XPC: variants seen among roughly 807,000 people sequenced by gnomAD.
XPC encodes XPC complex subunit, DNA damage recognition and repair factor.
XPC carries 76 observed loss-of-function variants against 95.8 expected under a neutral mutation model. The ratio of observed to expected loss-of-function variants is 0.79; its 90% CI spans 0.66 to 0.96. The LOEUF is 0.96. Among genes scored for constraint, XPC ranks in the 40% least tolerant of loss-of-function variants. The probability of loss-of-function intolerance (pLI) is 0.00; values close to 1 mark genes in which losing one functional copy is unlikely to be tolerated. For synonymous variants in XPC, 442 were observed against 442.1 expected, an observed-to-expected ratio of 1.00 and a Z score of 0.00; for missense variants, 1,146 against 1,179.8, an observed-to-expected ratio of 0.97 and a Z score of 0.42.
At chr3:14,161,507 T>G (rs1189746557) in intron 7 of XPC, among the ~76,000 whole-genome samples, 1 of 148,548 alleles carries the variant, frequency 6.7e-6, no homozygotes, top group African/African-American at 2.6e-5. Context: ...GCAAGGATGG[T>G]TCAACATAAG....
intron 2 of XPC, 170 bp from the exon 3 acceptor site, chr3:14,170,720 A>G: frequency 2.0e-6 from 1 of 505,596 alleles, no homozygotes; most frequent in Non-Finnish European, 3.5e-6. Flanking sequence ...ATGTGTTCCA[A>G]ATCTCATCAA....
Position 14,159,737 on chromosome 3 carries a change from T to TGG in XPC, c.990+3_990+4insCC. On this transcript the variant is annotated splice_donor_region_variant and intron_variant, in intron 8 of 15. Transcript: ENST00000285021. ...CTCTTCTCTGGCAGCCCTGCGCACC[T>TGG]CACCTTTGCTGTTGCTGACTTCAGA... The TGG allele has an allele frequency of 1.3e-6, 2 of 1,558,988 alleles. No homozygotes were observed. Among genetic ancestry groups the TGG allele is most frequent in the Non-Finnish European group, 1.7e-6 (2 of 1,150,966 alleles).
intron 4 of XPC, 146 bp downstream of exon 4, chr3:14,168,110 TA>T: frequency 8.8e-7 from 1 of 1,142,544 alleles, no homozygotes; most frequent in Non-Finnish European, 1.2e-6. Context: ...TTCAAGTCTC[TA>T]AAGGTAAATC....
Position 14,163,758 on chromosome 3 carries a change from TAAACAAATAAACA to T in XPC, c.900+1042_900+1054del, listed in dbSNP as rs374629455. 7.5e-3 allele frequency among the ~76,000 whole-genome samples: 1,136 copies of T among 152,286 alleles called. 18 individuals carry two copies. Among genetic ancestry groups the T allele is most frequent in the African/African-American group, 0.024 (981 of 41,548 alleles). On this transcript the variant is annotated intron_variant, in intron 7 of 15. Coordinates refer to ENST00000285021, the MANE Select transcript of XPC (RefSeq NM_004628.5). ...AAAAGCTGTGTGATCCTATTTTGCT[TAAACAAATAAACA>T]AAACAAATACATACGTACACACATA...
In XPC at chr3:14,164,584, A is replaced by G. The variant is rs888249095; in HGVS notation, c.900+229T>C. 8.7e-6 allele frequency: 4 copies of G among 461,714 alleles called. No homozygotes were observed. In the East Asian group the frequency reaches 1.7e-4, roughly 19 times the overall value. 28.6% of individuals were successfully genotyped at this position (461,714 alleles called of 1,614,324 possible). Reference sequence around the variant, plus strand: ...CTAGAGGCGATAGGGAGGAAAGCATACAGGCCCTCCACTCAGACTCTGATC... The same window carrying G: ...CTAGAGGCGATAGGGAGGAAAGCATGCAGGCCCTCCACTCAGACTCTGATC... On this transcript the variant is annotated intron_variant, in intron 7 of 15. Transcript: ENST00000285021.
intron 7 of XPC, among the ~76,000 whole-genome samples, chr3:14,161,788 A>G (rs2125031096): frequency 6.6e-6 from 1 of 151,826 alleles, no homozygotes; most frequent in East Asian, 1.9e-4. Flanking sequence ...ACCATTATTC[A>G]ACATTGTACT....
chr3:14,165,263 A>G (rs562166800), intron 6 of XPC, among the ~76,000 whole-genome samples, 165 bp downstream of exon 6: 1 of 152,318 alleles, frequency 6.6e-6, no homozygotes, highest in South Asian at 2.1e-4. Context: ...CAGCTCTACC[A>G]GGGCAAGATC....
In XPC at chr3:14,146,210, T is replaced by C. The variant is rs3731175; in HGVS notation, c.2605-51A>G. ...ACACAGGCGAGGGTTAGTAATCAGA[T>C]ACCAGGAAGCCCCATGAAGAGGCAG... On this transcript the variant is annotated intron_variant, in intron 15 of 15. Transcript: ENST00000285021. 0.26 allele frequency: 400,793 copies of C among 1,518,962 alleles called. 54,987 individuals carry two copies. The highest frequency in any genetic ancestry group is 0.34 in the African/African-American group (24,399 of 72,644). The allele number at this position is 1,518,962 out of a possible 1,614,324, so 94.1% of individuals were successfully genotyped here.
chr3:14,178,004 C>T (rs1696901877), intron 1 of XPC, among the ~76,000 whole-genome samples: 1 of 152,166 alleles, frequency 6.6e-6, no homozygotes, highest in Non-Finnish European at 1.5e-5. Flanking sequence ...TTCTGCATTG[C>T]CCATGACAAA....
chr3:14,150,917 T>C (rs565150913), intron 11 of XPC, among the ~76,000 whole-genome samples: 2 of 152,054 alleles, frequency 1.3e-5, no homozygotes, highest in African/African-American at 2.4e-5. Flanking sequence ...CTGTGCACCA[T>C]GGGGAGGGTG....
At chr3:14,160,738 G>A (rs1696136586) in intron 7 of XPC, among the ~76,000 whole-genome samples, 1 of 152,210 alleles carries the variant, frequency 6.6e-6, no homozygotes, top group South Asian at 2.1e-4. Flanking sequence ...TCCAAATAAT[G>A]TCTGTAGTTT....
Position 14,170,428 on chromosome 3 carries a change from G to C in XPC, c.412+10C>G, listed in dbSNP as rs1559382948. The C allele has an allele frequency of 6.2e-7, 1 of 1,611,522 alleles. No homozygotes were observed. Among genetic ancestry groups the C allele is most frequent in the Non-Finnish European group, 8.5e-7 (1 of 1,177,862 alleles). ...CCAAACAGTTCTGAAAACAAAGAAA[G>C]ATGTTTCACCTTCAACCTCTTCCCA... On this transcript the variant is annotated intron_variant, in intron 3 of 15. Transcript: ENST00000285021.
At chr3:14,168,089 A>C (rs1574972522) in intron 4 of XPC, among the ~76,000 whole-genome samples, 168 bp downstream of exon 4, 1 of 152,120 alleles carries the variant, frequency 6.6e-6, no homozygotes, top group Non-Finnish European at 1.5e-5. Context: ...CCAGGACACG[A>C]AGGTGTCTCA....
chr3:14,145,627 G>T lies in XPC; in HGVS notation c.*314C>A. 1 of 699,436 alleles carries T rather than the reference G, an allele frequency of 1.4e-6. No homozygotes were observed. Among genetic ancestry groups the T allele is most frequent in the East Asian group, 2.7e-5 (1 of 37,284 alleles). 43.3% of individuals were successfully genotyped at this position (699,436 alleles called of 1,614,324 possible). A position where few individuals can be genotyped will look rare whatever the true frequency, so the allele number is the denominator to read the frequency against. ...AAACTGATGTTTCTAAAGATGGAAA[G>T]AACAGGTCTAGGAGGCAGAAGAGTA... On this transcript the variant is annotated 3_prime_UTR_variant, in exon 16 of 16. Coordinates refer to ENST00000285021, the MANE Select transcript of XPC (RefSeq NM_004628.5).
At position 14,164,878 on chromosome 3, in the gene XPC, G is replaced by A; in HGVS notation, c.835C>T (p.Leu279=). The A allele has an allele frequency of 6.2e-7, 1 of 1,612,746 alleles. No homozygotes were observed. Among genetic ancestry groups the A allele is most frequent in the Non-Finnish European group, 8.5e-7 (1 of 1,179,356 alleles). Residue 279 remains leucine, a synonymous_variant, in exon 7 of 16, where the codon CTG becomes TTG. Transcript: ENST00000285021. ...AELSASEQDN[L]QTTLERRFAI... ...AATCTCCTTTCCAATGTAGTCTGCA[G>A]GTTATCTTGTTCACTGGCTGAAAGT...
Position 14,145,933 on chromosome 3 carries a change from C to G in XPC, c.*8G>C, listed in dbSNP as rs375609654. The G allele has an allele frequency of 3.1e-6, 5 of 1,599,012 alleles. No homozygotes were observed. The South Asian group carries it at 5.5e-5, about 18-fold the overall frequency. ...AACTGGTGGGTGCCCCTCTAGTGGGCGCTCAGCTCACAGCTGCTCAAATGG... is the reference window on the plus strand; with the variant it reads ...AACTGGTGGGTGCCCCTCTAGTGGGGGCTCAGCTCACAGCTGCTCAAATGG... On this transcript the variant is annotated 3_prime_UTR_variant, in exon 16 of 16. Transcript: ENST00000285021.
rs188593835 is a variant in XPC, at chr3:14,159,551, C to T, written c.990+190G>A. ...GGCCTCTCACAGGCCACTCTGCACACGTGAAGTTCAGGCTGCTAGATACCC... is the reference window on the plus strand; with the variant it reads ...GGCCTCTCACAGGCCACTCTGCACATGTGAAGTTCAGGCTGCTAGATACCC... On this transcript the variant is annotated intron_variant, in intron 8 of 15. Transcript: ENST00000285021. 5.4e-4 allele frequency among the ~76,000 whole-genome samples: 83 copies of T among 152,318 alleles called. 1 individual carries two copies. The South Asian group carries it at 9.5e-3, about 17-fold the overall frequency.
At chr3:14,164,973 G>A (rs1696316748) in intron 6 of XPC, 40 bp from the exon 7 acceptor site, 1 of 1,568,316 alleles carries the variant, frequency 6.4e-7, no homozygotes, top group Non-Finnish European at 8.6e-7. Flanking sequence ...AGAGGTCAGG[G>A]CAAAGGGGAA....
chr3:14,169,426 G>A lies in XPC; in HGVS notation c.412+1012C>T, dbSNP rs545599846. Among the ~76,000 whole-genome samples the A allele has an allele frequency of 6.6e-5, 10 of 152,310 alleles. No homozygotes were observed. In the East Asian group the frequency reaches 1.3e-3, roughly 21 times the overall value. On this transcript the variant is annotated intron_variant, in intron 3 of 15. Transcript: ENST00000285021. ...TCAGACAAAACTAGAACATGAGACA[G>A]TCTACAAAACAAAAGACTAGGATCC...
Sources: allele counts gnomAD v4.1 joint callset (sites outside exome capture counted in the v4.1 genomes callset), GRCh38; gene constraint gnomAD v4.1.1; transcripts MANE v1.5; gene names NCBI Gene and HGNC (gene_info 2026-07-23, HGNC 2026-07-21).